Variants in HS3ST3A1 observed in about 807,000 individuals in gnomAD.
The protein encoded by HS3ST3A1 is heparan sulfate-glucosamine 3-sulfotransferase 3A1.
In HS3ST3A1, 19 loss-of-function variants were observed where a neutral mutation model predicts 25.7. The observed-to-expected ratio is 0.74, with a 90% CI of 0.52 to 1.08. The LOEUF is 1.08. HS3ST3A1 is among the 50% of genes least tolerant of loss of function. The pLI is 0.00. For missense variants in HS3ST3A1, 459 were observed against 594.3 expected (o/e 0.77, Z 2.37); for synonymous variants, 226 against 278.6 (o/e 0.81, Z 1.88).
At chr17:13,530,854 A>C (rs1215834874) in intron 1 of HS3ST3A1, among the ~76,000 whole-genome samples, 1 of 152,184 alleles carries the variant, frequency 6.6e-6, no homozygotes, top group Admixed American at 6.5e-5. Flanking sequence ...TCTTCCACCC[A>C]GTAGTTTTAC....
chr17:13,575,660 A>C (rs1382267157), intron 1 of HS3ST3A1, among the ~76,000 whole-genome samples: 1 of 152,226 alleles, frequency 6.6e-6, no homozygotes, highest in East Asian at 1.9e-4. Flanking sequence ...ATAGAAGATA[A>C]GAAGGGAGGG....
intron 1 of HS3ST3A1, among the ~76,000 whole-genome samples, chr17:13,560,899 A>T (rs1158975900): frequency 6.6e-6 from 1 of 152,176 alleles, no homozygotes; most frequent in African/African-American, 2.4e-5. Flanking sequence ...TAAAATTCAA[A>T]CTTAAGTTCC....
chr17:13,523,545 TG>T (rs1259398343), intron 1 of HS3ST3A1, among the ~76,000 whole-genome samples: 3 of 152,182 alleles, frequency 2.0e-5, no homozygotes, highest in Admixed American at 1.3e-4. Context: ...CTGATAATGG[TG>T]GATTGCTATT....
chr17:13,584,050 T>C lies in HS3ST3A1; in HGVS notation c.599+16481A>G, dbSNP rs1598433090. On this transcript the variant is annotated intron_variant, in intron 1 of 1. Coordinates refer to ENST00000284110, the MANE Select transcript of HS3ST3A1 (RefSeq NM_006042.3). ...AAGAGTACCTGGATTTTATGTGCTA[T>C]CTGGTATTCATAGTGAACACATAAA... is the stretch of plus-strand genomic sequence containing the variant. Among the ~76,000 whole-genome samples, 3 of 152,362 alleles carry C rather than the reference T, an allele frequency of 2.0e-5. No homozygotes were observed. The East Asian group carries it at 5.8e-4, about 29-fold the overall frequency.
intron 1 of HS3ST3A1, among the ~76,000 whole-genome samples, chr17:13,590,916 A>G (rs1598435234): frequency 6.6e-6 from 1 of 151,048 alleles, no homozygotes; most frequent in Non-Finnish European, 1.5e-5. Flanking sequence ...TTGGGGGGGG[A>G]TCCCTACAGT....
intron 1 of HS3ST3A1, among the ~76,000 whole-genome samples, chr17:13,530,406 A>T (rs1036832434): frequency 6.6e-6 from 1 of 151,908 alleles, no homozygotes; most frequent in African/African-American, 2.4e-5. Flanking sequence ...GCAAGGTGGC[A>T]TTATTATTCC....
At chr17:13,592,277 A>G (rs1908447211) in intron 1 of HS3ST3A1, among the ~76,000 whole-genome samples, 1 of 152,178 alleles carries the variant, frequency 6.6e-6, no homozygotes. Flanking sequence ...AAATGTAGAA[A>G]ATGATAGGAC....
At chr17:13,563,723 G>A (rs987613373) in intron 1 of HS3ST3A1, among the ~76,000 whole-genome samples, 4 of 152,110 alleles carry the variant, frequency 2.6e-5, no homozygotes, top group Non-Finnish European at 4.4e-5. Context: ...CAAAGGACAC[G>A]CACAAGTCCC....
intron 1 of HS3ST3A1, among the ~76,000 whole-genome samples, chr17:13,570,218 A>G (rs1339950400): frequency 6.6e-6 from 1 of 152,200 alleles, no homozygotes; most frequent in African/African-American, 2.4e-5. Flanking sequence ...ATCGTACTCA[A>G]TGCTACCAGG....
chr17:13,523,080 A>G (rs1284404121), intron 1 of HS3ST3A1, among the ~76,000 whole-genome samples: 1 of 152,208 alleles, frequency 6.6e-6, no homozygotes, highest in African/African-American at 2.4e-5. Flanking sequence ...TATACAAGCT[A>G]GGAAGTTCAC....
intron 1 of HS3ST3A1, among the ~76,000 whole-genome samples, chr17:13,518,178 C>T (rs1406496962): frequency 1.3e-5 from 2 of 151,860 alleles, no homozygotes; most frequent in Non-Finnish European, 2.9e-5. Flanking sequence ...TGGAAATACA[C>T]AAATATTTAT....
chr17:13,551,011 G>T (rs1366996658), intron 1 of HS3ST3A1, among the ~76,000 whole-genome samples: 1 of 149,280 alleles, frequency 6.7e-6, no homozygotes, highest in Non-Finnish European at 1.5e-5. Flanking sequence ...AGCTTGCAGT[G>T]AGCCGAGATC....
intron 1 of HS3ST3A1, among the ~76,000 whole-genome samples, chr17:13,578,562 C>CAAAAA (rs536270780): frequency 1.2e-5 from 1 of 85,830 alleles, no homozygotes; most frequent in Non-Finnish European, 2.4e-5. Context: ...GACTCCATCT[C>CAAAAA]AAAAAAAAAA....
Position 13,560,397 on chromosome 17 carries a change from A to G in HS3ST3A1, c.599+40134T>C, listed in dbSNP as rs117898242. On this transcript the variant is annotated intron_variant, in intron 1 of 1. Transcript: ENST00000284110. ...ACCTTTGCTTCTCTGTGTGTGTGTAACTCTATATATTCTTTCTGAACTGTA... is the reference window on the plus strand; with the variant it reads ...ACCTTTGCTTCTCTGTGTGTGTGTAGCTCTATATATTCTTTCTGAACTGTA... Among the ~76,000 whole-genome samples, 996 of 149,518 alleles carry G rather than the reference A, an allele frequency of 6.7e-3. 4 individuals carry two copies. The highest frequency in any genetic ancestry group is 0.011 in the Non-Finnish European group (735 of 67,660).
intron 1 of HS3ST3A1, among the ~76,000 whole-genome samples, chr17:13,535,748 AT>A (rs1906753688): frequency 6.6e-6 from 1 of 152,206 alleles, no homozygotes; most frequent in Non-Finnish European, 1.5e-5. Flanking sequence ...CTTAAAAAAA[AT>A]CTTTCTTAAA....
chr17:13,514,954 G>A (rs1906003481), intron 1 of HS3ST3A1, among the ~76,000 whole-genome samples: 1 of 152,108 alleles, frequency 6.6e-6, no homozygotes, highest in Non-Finnish European at 1.5e-5. Flanking sequence ...AATTTTCCTA[G>A]ATTAATGAAC....
intron 1 of HS3ST3A1, among the ~76,000 whole-genome samples, chr17:13,585,989 C>T (rs183790811): frequency 1.3e-5 from 2 of 151,724 alleles, no homozygotes; most frequent in East Asian, 2.0e-4. Flanking sequence ...GCTGGGACTA[C>T]GGGCGCGGAC....
chr17:13,530,321 G>C (rs1255063200), intron 1 of HS3ST3A1, among the ~76,000 whole-genome samples: 1 of 152,056 alleles, frequency 6.6e-6, no homozygotes, highest in Non-Finnish European at 1.5e-5. Context: ...AGAAGTTATG[G>C]GTCAAATGAC....
chr17:13,513,966 C>T (rs997058545), intron 1 of HS3ST3A1, among the ~76,000 whole-genome samples: 2 of 152,000 alleles, frequency 1.3e-5, no homozygotes, highest in Non-Finnish European at 2.9e-5. Flanking sequence ...TCATACACTC[C>T]TTAACACTTT....
Sources: allele counts gnomAD v4.1 joint callset (sites outside exome capture counted in the v4.1 genomes callset), GRCh38; gene constraint gnomAD v4.1.1; transcripts MANE v1.5; gene names NCBI Gene and HGNC (gene_info 2026-07-23, HGNC 2026-07-21).